AFG1L: variants seen among roughly 807,000 people sequenced by gnomAD.
AFG1L encodes the protein AFG1-like ATPase.
In AFG1L, 53 loss-of-function variants were observed where a neutral mutation model predicts 62.2. The observed-to-expected ratio is 0.85, with a 90% confidence interval of 0.68 to 1.07. AFG1L has a LOEUF of 1.07. AFG1L is among the 50% of genes least tolerant of loss of function. The pLI is 0.00. For missense variants in AFG1L, 555 were observed against 590.5 expected, an observed-to-expected ratio of 0.94 and a Z score of 0.62; for synonymous variants, 228 against 210.3, an observed-to-expected ratio of 1.08 and a Z score of -0.73.
rs904843800 is a variant in AFG1L, at chr6:108,304,931, G to A, written c.139+9713G>A. On this transcript the variant is annotated intron_variant, in intron 1 of 12. Coordinates refer to ENST00000368977, the MANE Select transcript of AFG1L (RefSeq NM_145315.5). ...ATTTTGGTTTCATTCTGCAGTGCTGGATCAATCATTTGATTTGGTATTTCC... is the reference window on the plus strand; with the variant it reads ...ATTTTGGTTTCATTCTGCAGTGCTGAATCAATCATTTGATTTGGTATTTCC... 3.3e-5 allele frequency among the ~76,000 whole-genome samples: 5 copies of A among 152,292 alleles called. No homozygotes were observed. In the South Asian group the frequency reaches 1.0e-3, roughly 32 times the overall value.
intron 6 of AFG1L, among the ~76,000 whole-genome samples, chr6:108,383,911 C>G (rs1176512357): frequency 6.6e-6 from 1 of 152,072 alleles, no homozygotes; most frequent in East Asian, 1.9e-4. Context: ...AGATATTTCA[C>G]TGACAGGGAA....
intron 2 of AFG1L, among the ~76,000 whole-genome samples, chr6:108,340,432 A>C (rs1313451590): frequency 2.0e-5 from 3 of 149,796 alleles, no homozygotes; most frequent in Non-Finnish European, 4.4e-5. Context: ...GGTGTGATCT[A>C]AGCTCACTGC....
intron 10 of AFG1L, among the ~76,000 whole-genome samples, chr6:108,501,810 C>G (rs1295083729): frequency 2.0e-5 from 3 of 152,274 alleles, no homozygotes; most frequent in African/African-American, 7.2e-5. Context: ...GGCTTGGTTC[C>G]AGGCCACTGG....
At chr6:108,439,199 C>G (rs899784328) in intron 7 of AFG1L, among the ~76,000 whole-genome samples, 8 of 152,124 alleles carry the variant, frequency 5.3e-5, no homozygotes, top group Admixed American at 3.3e-4. Context: ...CGTCTATGAT[C>G]GAGAGAAGAA....
At chr6:108,455,921 T>C (rs1398760254) in intron 8 of AFG1L, among the ~76,000 whole-genome samples, 1 of 152,190 alleles carries the variant, frequency 6.6e-6, no homozygotes, top group African/African-American at 2.4e-5. Context: ...TTGTTAGTAG[T>C]GTGTACTTTA....
intron 2 of AFG1L, among the ~76,000 whole-genome samples, chr6:108,337,985 A>C (rs1427379710): frequency 6.6e-6 from 1 of 152,184 alleles, no homozygotes; most frequent in Non-Finnish European, 1.5e-5. Flanking sequence ...CAGGAGTTTG[A>C]AACCAGCTTG....
At chr6:108,337,360 T>C (rs1778512029) in intron 2 of AFG1L, among the ~76,000 whole-genome samples, 1 of 152,028 alleles carries the variant, frequency 6.6e-6, no homozygotes, top group Admixed American at 6.6e-5. Flanking sequence ...TTTTAGTACA[T>C]GTGAGCATTG....
intron 10 of AFG1L, among the ~76,000 whole-genome samples, chr6:108,506,140 T>G (rs1044754732): frequency 6.6e-6 from 1 of 152,178 alleles, no homozygotes; most frequent in Admixed American, 6.5e-5. Context: ...ACACCAAATC[T>G]GCAGATCCTG....
At chr6:108,417,281 CA>C in intron 7 of AFG1L, among the ~76,000 whole-genome samples, 1 of 127,596 alleles carries the variant, frequency 7.8e-6, no homozygotes, top group Non-Finnish European at 1.6e-5. Context: ...CACACACACA[CA>C]CACACAAAAA....
chr6:108,408,905 A>C (rs577260685), intron 7 of AFG1L, among the ~76,000 whole-genome samples: 1 of 152,306 alleles, frequency 6.6e-6, no homozygotes, highest in South Asian at 2.1e-4. Flanking sequence ...TAGGATAACA[A>C]TAAAAAGACA....
At chr6:108,428,524 A>G (rs1770927925) in intron 7 of AFG1L, among the ~76,000 whole-genome samples, 1 of 152,132 alleles carries the variant, frequency 6.6e-6, no homozygotes, top group African/African-American at 2.4e-5. Flanking sequence ...TGAAATCTGT[A>G]TGTTATTTTC....
chr6:108,381,113 T>C (rs1780495113), intron 6 of AFG1L, among the ~76,000 whole-genome samples: 1 of 152,172 alleles, frequency 6.6e-6, no homozygotes, highest in African/African-American at 2.4e-5. Flanking sequence ...CCAAAAACAC[T>C]CATTTTATAT....
chr6:108,415,628 C>T (rs753252128), intron 7 of AFG1L, among the ~76,000 whole-genome samples: 1 of 152,154 alleles, frequency 6.6e-6, no homozygotes, highest in African/African-American at 2.4e-5. Context: ...ACATCTGCAA[C>T]CATCTGATCT....
At chr6:108,409,696 A>G (rs1782018307) in intron 7 of AFG1L, among the ~76,000 whole-genome samples, 1 of 152,208 alleles carries the variant, frequency 6.6e-6, no homozygotes. Context: ...GACCATTAAG[A>G]AAAGAAAAAG....
chr6:108,522,181 T>C (rs1027878078), intron 12 of AFG1L, 116 bp from the exon 13 acceptor site: 2 of 861,876 alleles, frequency 2.3e-6, no homozygotes, highest in Non-Finnish European at 3.5e-6. Flanking sequence ...AAAAAAGTTA[T>C]AAAAAAAGGC....
Position 108,347,008 on chromosome 6 carries a change from T to A in AFG1L, c.384T>A (p.Pro128=), listed in dbSNP as rs140028787. Residue 128 remains proline (P), a synonymous_variant, in exon 3 of 13, where the codon CCT becomes CCA. Transcript: ENST00000368977. Reference sequence around the variant, plus strand: ...TGCAGCTTTTTTCAAGGAGCAAACCTCCAAGGGGCCTGTATGTTTATGGAG... The same window carrying A: ...TGCAGCTTTTTTCAAGGAGCAAACCACCAAGGGGCCTGTATGTTTATGGAG... ...LFSKLFSRSK[P]PRGLYVYGDV... The A allele has an allele frequency of 2.2e-5, 36 of 1,613,708 alleles. No individual in the cohort carries two copies. In the African/African-American group the frequency reaches 4.3e-4, roughly 19 times the overall value.
intron 11 of AFG1L, among the ~76,000 whole-genome samples, chr6:108,513,282 A>T (rs1774734590): frequency 1.3e-5 from 2 of 152,240 alleles, no homozygotes; most frequent in Admixed American, 6.5e-5. Flanking sequence ...CAGTGGGTGC[A>T]GCGCACCGAG....
At chr6:108,312,367 T>A (rs1777444802) in intron 1 of AFG1L, among the ~76,000 whole-genome samples, 1 of 151,882 alleles carries the variant, frequency 6.6e-6, no homozygotes, top group Non-Finnish European at 1.5e-5. Flanking sequence ...AGTGAGACCC[T>A]GTCTCTACAA....
chr6:108,382,215 G>T (rs1780573774), intron 6 of AFG1L, among the ~76,000 whole-genome samples: 1 of 152,002 alleles, frequency 6.6e-6, no homozygotes, highest in Non-Finnish European at 1.5e-5. Flanking sequence ...GGTCAAGCTG[G>T]TCTCGAACTC....
Sources: allele counts gnomAD v4.1 joint callset (sites outside exome capture counted in the v4.1 genomes callset), GRCh38; gene constraint gnomAD v4.1.1; transcripts MANE v1.5; gene names NCBI Gene and HGNC (gene_info 2026-07-23, HGNC 2026-07-21).